The following CD99L2 variants were observed in gnomAD, a reference collection of about 807,000 sequenced individuals.
CD99L2 encodes the protein CD99 molecule like 2, also known as CD99 antigen-like protein 2.
In CD99L2, 24 loss-of-function variants were observed where a neutral mutation model predicts 27.3. That is an observed-to-expected ratio of 0.88 (90% CI 0.64 to 1.24). The LOEUF is 1.24. Ranked by LOEUF, CD99L2 falls within the 50% of genes most tolerant of loss-of-function variation. CD99L2 has a pLI of 0.00. For synonymous variants in CD99L2, 97 were observed against 87.9 expected, an observed-to-expected ratio of 1.10 and a Z score of -0.58; for missense variants, 255 against 221.6, an observed-to-expected ratio of 1.15 and a Z score of -0.96.
At chrX:150,897,526 A>AGTGTGTGTGTGT (rs58656065) in intron 1 of CD99L2, among the ~76,000 whole-genome samples, 69 of 103,841 alleles carry the variant, frequency 6.6e-4, no homozygotes, top group African/African-American at 2.3e-3. Flanking sequence ...ACTAGGACAA[A>AGTGTGTGTGTGT]GTGTGTGTGT....
chrX:150,860,370 C>T (rs2046957497), intron 1 of CD99L2, among the ~76,000 whole-genome samples: 2 of 111,897 alleles, frequency 1.8e-5, no homozygotes, highest in Admixed American at 9.5e-5. Context: ...TCATATTGAA[C>T]GAGGAAAGGC....
chrX:150,805,368 T>C (rs975731570), intron 4 of CD99L2, among the ~76,000 whole-genome samples: 7 of 111,273 alleles, frequency 6.3e-5, no homozygotes, highest in Non-Finnish European at 1.3e-4. Flanking sequence ...AAGTTTCAGT[T>C]AGACAGGAGG....
chrX:150,895,944 T>C (rs1205580045), intron 1 of CD99L2, among the ~76,000 whole-genome samples: 1 of 102,248 alleles, frequency 9.8e-6, no homozygotes, highest in Admixed American at 1.1e-4. Flanking sequence ...GAGAATGGCG[T>C]GAACCCAGGA....
At position 150,856,345 on chromosome X, in the gene CD99L2, G is replaced by C. The variant is rs183709870; in HGVS notation, c.68-25052C>G. On this transcript the variant is annotated intron_variant, in intron 1 of 10. Transcript: ENST00000370377. ...TTCTCTACAGAACGGAGGTCTGAGA[G>C]GCTTGAGGCCACAGCACCTAAGGCA... 8.1e-3 allele frequency among the ~76,000 whole-genome samples: 904 copies of C among 111,984 alleles called. 10 individuals are homozygous for C. The highest frequency in any genetic ancestry group is 0.014 in the Non-Finnish European group (743 of 53,152).
At chrX:150,819,062 G>A (rs562884863) in intron 2 of CD99L2, 12 of 314,186 alleles carry the variant, frequency 3.8e-5, no homozygotes, top group East Asian at 1.6e-4. Context: ...GCAAATGGTA[G>A]ACCGAATACA....
At chrX:150,803,169 C>T (rs1029670763) in intron 4 of CD99L2, among the ~76,000 whole-genome samples, 3 of 111,359 alleles carry the variant, frequency 2.7e-5, no homozygotes, top group African/African-American at 3.3e-5. Context: ...GCTGGGATTA[C>T]GGGCGTGAGC....
intron 1 of CD99L2, among the ~76,000 whole-genome samples, chrX:150,884,772 A>G (rs1318580367): frequency 8.9e-6 from 1 of 112,262 alleles, no homozygotes; most frequent in Non-Finnish European, 1.9e-5. Context: ...TCCTCAGAGC[A>G]CAGTGTGAGA....
rs1012447336 is a variant in CD99L2, at chrX:150,875,157, G to T, written c.67+23365C>A. On this transcript the variant is annotated intron_variant, in intron 1 of 10. Transcript: ENST00000370377. ...TGCTGAGTGACATGTAATTCCTAAA[G>T]CATTATATTATTTAATTGAAATTTT... Among the ~76,000 whole-genome samples the T allele has an allele frequency of 3.6e-5, 4 of 111,767 alleles. No individual in the cohort carries two copies. In the East Asian group the frequency reaches 8.4e-4, roughly 24 times the overall value.
intron 9 of CD99L2, among the ~76,000 whole-genome samples, chrX:150,774,497 A>G (rs1464101186): frequency 8.9e-6 from 1 of 112,119 alleles, no homozygotes; most frequent in Non-Finnish European, 1.9e-5. Flanking sequence ...GCTGTGTCCC[A>G]GAATCCCCAT....
At chrX:150,808,178 T>C (rs2046022373) in intron 4 of CD99L2, among the ~76,000 whole-genome samples, 1 of 112,585 alleles carries the variant, frequency 8.9e-6, no homozygotes, top group African/African-American at 3.2e-5. Flanking sequence ...CCACAATACA[T>C]GATTGCTGTA....
At chrX:150,814,700 T>A (rs1366864912) in intron 4 of CD99L2, among the ~76,000 whole-genome samples, 162 bp downstream of exon 4, 1 of 111,052 alleles carries the variant, frequency 9.0e-6, no homozygotes, top group Non-Finnish European at 1.9e-5. Flanking sequence ...ATTTGGGGAG[T>A]CCTGAGACAA....
intron 4 of CD99L2, among the ~76,000 whole-genome samples, chrX:150,805,614 A>T (rs1293403225): frequency 7.2e-5 from 8 of 111,639 alleles, no homozygotes. Flanking sequence ...GTAAGTGCTT[A>T]TAATAGTCAA....
At chrX:150,779,752 G>C (rs1355430483) in intron 7 of CD99L2, among the ~76,000 whole-genome samples, 1 of 112,460 alleles carries the variant, frequency 8.9e-6, no homozygotes, top group East Asian at 2.8e-4. Flanking sequence ...AGGCGTAAAA[G>C]CACTATAGAA....
rs1557419864 is a variant in CD99L2 at position 150,795,251 on chromosome X, T to C, written c.385A>G (p.Asn129Asp). Residue 129 changes from asparagine to aspartate, a missense_variant, in exon 6 of 11, where the codon AAT becomes GAT. Transcript: ENST00000370377. ...TTCCTGCGGCCATCATCTCGATCAT[T>C]TCGATCATCCAGGGCATCAGCCAAG... ...FDLADALDDR[N>D]DRDDGRRKPI... 2 of 1,211,869 alleles carry C rather than the reference T, an allele frequency of 1.7e-6. No individual in the cohort carries two copies.
intron 1 of CD99L2, among the ~76,000 whole-genome samples, chrX:150,838,699 CT>C (rs2046571283): frequency 1.0e-5 from 1 of 100,292 alleles, no homozygotes; most frequent in Admixed American, 1.1e-4. Context: ...AAAAAAAGAA[CT>C]ATGATAAATA....
intron 1 of CD99L2, among the ~76,000 whole-genome samples, chrX:150,855,778 G>A (rs782795830): frequency 4.5e-5 from 5 of 111,535 alleles, no homozygotes; most frequent in South Asian, 3.8e-4. Flanking sequence ...ACCAAGGATC[G>A]CTACCAGCAG....
At chrX:150,770,784 G>A (rs956530841) in intron 9 of CD99L2, among the ~76,000 whole-genome samples, 11 of 112,558 alleles carry the variant, frequency 9.8e-5, no homozygotes, top group Non-Finnish European at 2.1e-4. Flanking sequence ...ATGCAGGGCA[G>A]GGAGGGGCGG....
intron 7 of CD99L2, among the ~76,000 whole-genome samples, chrX:150,788,109 T>C (rs11795601): frequency 0.4 from 42,305 of 107,039 alleles, 7,641 homozygotes; most frequent in African/African-American, 0.69. Flanking sequence ...AACTTCAGGC[T>C]GATATCATTG....
intron 10 of CD99L2, among the ~76,000 whole-genome samples, chrX:150,769,982 T>G (rs1456703915): frequency 8.8e-6 from 1 of 113,036 alleles, no homozygotes; most frequent in East Asian, 2.8e-4. Context: ...TCCCCATGGC[T>G]CTGTTCAGGA....
Sources: allele counts gnomAD v4.1 joint callset (sites outside exome capture counted in the v4.1 genomes callset), GRCh38; gene constraint gnomAD v4.1.1; transcripts MANE v1.5; gene names NCBI Gene and HGNC (gene_info 2026-07-23, HGNC 2026-07-21).